The following NRXN3 variants were observed in gnomAD, a reference collection of about 807,000 sequenced individuals.
The protein encoded by NRXN3 is neurexin 3, also known as neurexin III.
Under a neutral mutation model 137.6 loss-of-function variants are expected in NRXN3, and 32 were observed. The observed-to-expected ratio is 0.23, with a 90% CI of 0.18 to 0.31. The LOEUF (loss-of-function observed/expected upper bound fraction) is 0.31. NRXN3 is among the 10% of genes least tolerant of loss of function. NRXN3 has a pLI of 1.00. For synonymous variants in NRXN3, 798 were observed against 784.5 expected, an observed-to-expected ratio of 1.02 and a Z score of -0.29; for missense variants, 1,574 against 2,062.5, an observed-to-expected ratio of 0.76 and a Z score of 4.59.
intron 4 of NRXN3, among the ~76,000 whole-genome samples, chr14:78,607,719 A>G (rs1329932076): frequency 1.3e-5 from 2 of 152,172 alleles, no homozygotes; most frequent in African/African-American, 4.8e-5. Flanking sequence ...TAAGGGAAGA[A>G]CCAGGCATAC....
At chr14:78,471,046 C>A (rs1320122569) in intron 4 of NRXN3, among the ~76,000 whole-genome samples, 1 of 152,066 alleles carries the variant, frequency 6.6e-6, no homozygotes. Flanking sequence ...AATGACAAGG[C>A]CTTCATTCTG....
intron 15 of NRXN3, among the ~76,000 whole-genome samples, chr14:79,399,658 T>C (rs530903488): frequency 6.6e-6 from 1 of 152,282 alleles, no homozygotes; most frequent in African/African-American, 2.4e-5. Context: ...TACTGAAGAT[T>C]TACTTTTTAA....
intron 16 of NRXN3, among the ~76,000 whole-genome samples, chr14:79,578,783 G>A (rs1052389431): frequency 1.3e-5 from 2 of 152,066 alleles, no homozygotes; most frequent in African/African-American, 4.8e-5. Context: ...CAAGGCAAAA[G>A]GAAACGCTGT....
intron 20 of NRXN3, among the ~76,000 whole-genome samples, chr14:79,809,718 T>C (rs1355820130): frequency 6.6e-6 from 1 of 152,240 alleles, no homozygotes; most frequent in East Asian, 1.9e-4. Context: ...AACAAATCAG[T>C]ATCTAATACT....
At position 78,629,130 on chromosome 14, in the gene NRXN3, T is replaced by C. The variant is rs1403455115; in HGVS notation, c.758-15990T>C. ...ATGGTAGCTGGCATCATCACTATCA[T>C]CACCCCCATTTCAAGGGCTCTGGGA... is the stretch of plus-strand genomic sequence containing the variant. On this transcript the variant is annotated intron_variant, in intron 4 of 20. Transcript: ENST00000335750. Among the ~76,000 whole-genome samples the C allele has an allele frequency of 1.3e-5, 2 of 152,172 alleles. 1 individual carries two copies. The highest frequency in any genetic ancestry group is 3.8e-4 in the East Asian group (2 of 5,196).
intron 15 of NRXN3, among the ~76,000 whole-genome samples, chr14:79,120,823 C>T (rs1306678985): frequency 6.6e-6 from 1 of 152,150 alleles, no homozygotes; most frequent in African/African-American, 2.4e-5. Flanking sequence ...CTTGCATACA[C>T]AGCATATTAA....
At chr14:79,770,076 A>G (rs906441005) in intron 19 of NRXN3, among the ~76,000 whole-genome samples, 5 of 151,806 alleles carry the variant, frequency 3.3e-5, no homozygotes, top group African/African-American at 1.2e-4. Flanking sequence ...AGAGCTAACT[A>G]TCCTAAATAT....
intron 16 of NRXN3, among the ~76,000 whole-genome samples, chr14:79,471,860 G>T (rs899717207): frequency 6.6e-6 from 1 of 152,092 alleles, no homozygotes; most frequent in Non-Finnish European, 1.5e-5. Flanking sequence ...AAGTTCAGGG[G>T]TACAAGTGCA....
chr14:79,329,251 G>T (rs1310855931), intron 15 of NRXN3, among the ~76,000 whole-genome samples: 1 of 152,146 alleles, frequency 6.6e-6, no homozygotes, highest in Admixed American at 6.5e-5. Flanking sequence ...GCTATAGGGG[G>T]TGAAGTGGCA....
intron 11 of NRXN3, among the ~76,000 whole-genome samples, chr14:78,958,361 CT>C (rs371764049): frequency 3.1e-3 from 436 of 141,964 alleles, no homozygotes; most frequent in Admixed American, 3.0e-3. Context: ...TTCTTTCTTT[CT>C]TTTTTTTTTT....
At chr14:78,967,112 G>T in intron 12 of NRXN3, 96 bp from the exon 13 acceptor site, 1 of 976,156 alleles carries the variant, frequency 1.0e-6, no homozygotes, top group Non-Finnish European at 1.5e-6. Context: ...GTTTAGCATG[G>T]GGGATTTGAA....
chr14:79,434,146 TG>T (rs1202356307), intron 15 of NRXN3, among the ~76,000 whole-genome samples: 1 of 152,148 alleles, frequency 6.6e-6, no homozygotes, highest in Non-Finnish European at 1.5e-5. Flanking sequence ...GACTTTTAGA[TG>T]ATAATCACAA....
intron 15 of NRXN3, among the ~76,000 whole-genome samples, chr14:79,315,006 A>C (rs1475291805): frequency 1.3e-5 from 2 of 152,136 alleles, no homozygotes; most frequent in African/African-American, 2.4e-5. Context: ...GGTCTGTCCA[A>C]ATCTTCTGTG....
intron 4 of NRXN3, among the ~76,000 whole-genome samples, chr14:78,517,447 C>T (rs1462028941): frequency 2.6e-5 from 4 of 152,070 alleles, no homozygotes; most frequent in African/African-American, 9.7e-5. Context: ...AGCACAGTTA[C>T]AGAGATGGAT....
intron 4 of NRXN3, among the ~76,000 whole-genome samples, chr14:78,491,094 C>T (rs79602924): frequency 0.017 from 2,614 of 152,212 alleles, 65 homozygotes; most frequent in African/African-American, 0.052. Context: ...CTGCTGCTGC[C>T]GGTCGGCTGG....
intron 15 of NRXN3, among the ~76,000 whole-genome samples, chr14:79,258,835 G>A (rs1487429075): frequency 6.6e-6 from 1 of 152,164 alleles, no homozygotes; most frequent in South Asian, 2.1e-4. Flanking sequence ...AAACAGATAG[G>A]CAGAGAAAAG....
intron 10 of NRXN3, among the ~76,000 whole-genome samples, chr14:78,814,519 G>A (rs933327759): frequency 2.0e-5 from 3 of 152,170 alleles, no homozygotes; most frequent in Non-Finnish European, 4.4e-5. Context: ...GGAGGCTGAG[G>A]CAGGAGAATC....
At chr14:79,060,738 T>C (rs1282362442) in intron 15 of NRXN3, among the ~76,000 whole-genome samples, 1 of 152,202 alleles carries the variant, frequency 6.6e-6, no homozygotes, top group South Asian at 2.1e-4. Context: ...GAGATCTCTC[T>C]TATAGGTTTG....
chr14:79,839,679 CT>C (rs1265748959), intron 20 of NRXN3, among the ~76,000 whole-genome samples: 2 of 152,016 alleles, frequency 1.3e-5, no homozygotes, highest in Non-Finnish European at 2.9e-5. Flanking sequence ...GCTTTTGTTG[CT>C]TATGCCTTTA....
Sources: allele counts gnomAD v4.1 joint callset (sites outside exome capture counted in the v4.1 genomes callset), GRCh38; gene constraint gnomAD v4.1.1; transcripts MANE v1.5; gene names NCBI Gene and HGNC (gene_info 2026-07-23, HGNC 2026-07-21).